Variants in FOXP2 observed in about 807,000 individuals in gnomAD.
FOXP2 encodes forkhead box protein P2.
A neutral mutation model predicts 115.8 loss-of-function variants in FOXP2; 12 were observed. The observed-to-expected ratio is 0.10, with a 90% CI of 0.07 to 0.17. FOXP2 has a LOEUF of 0.17. Ranked by LOEUF, FOXP2 falls within the 10% of genes least tolerant of loss-of-function variation. FOXP2 has a pLI of 1.00. For missense variants in FOXP2, 629 were observed against 843.5 expected (o/e 0.75, Z 3.15); for synonymous variants, 328 against 297.7 (o/e 1.10, Z -1.05).
intron 2 of FOXP2, among the ~76,000 whole-genome samples, chr7:114,485,846 A>G (rs1003188151): frequency 5.3e-5 from 8 of 152,150 alleles, no homozygotes; most frequent in Non-Finnish European, 8.8e-5. Flanking sequence ...CTGATAAATA[A>G]ATTTTCCAAG....
chr7:114,246,884 A>G (rs1159575915), intron 1 of FOXP2, among the ~76,000 whole-genome samples: 1 of 152,126 alleles, frequency 6.6e-6, no homozygotes, highest in East Asian at 1.9e-4. Flanking sequence ...CACTTTCATT[A>G]AGATTCGCCA....
At position 114,454,925 on chromosome 7, in the gene FOXP2, C is replaced by T. The variant is rs1254894110; in HGVS notation, c.168+28246C>T. ...GGGAGATATACCTAATGCTAGATGA[C>T]GAGTTAGTGGGTGCAGCGCACCAGC... On this transcript the variant is annotated intron_variant, in intron 2 of 16. Transcript: ENST00000350908. Among the ~76,000 whole-genome samples, 10 of 136,618 alleles carry T rather than the reference C, an allele frequency of 7.3e-5. No homozygotes were observed. In the South Asian group the frequency reaches 1.5e-3, roughly 21 times the overall value. 89.6% of individuals were successfully genotyped at this position (136,618 alleles called of 152,430 possible). A position where few individuals can be genotyped will look rare whatever the true frequency, so the allele number is the denominator to read the frequency against.
rs35525759 is a variant in FOXP2, at chr7:114,678,547, CTTTTTTTT to C, written c.2004-11216_2004-11209del. 2.9e-4 allele frequency among the ~76,000 whole-genome samples: 14 copies of C among 48,410 alleles called. No homozygotes were observed. In the South Asian group the frequency reaches 6.0e-3, roughly 21 times the overall value. The allele number at this position is 48,410 out of a possible 152,430, so 31.8% of individuals were successfully genotyped here. A position where few individuals can be genotyped will look rare whatever the true frequency, so the allele number is the denominator to read the frequency against. On this transcript the variant is annotated intron_variant, in intron 16 of 16. Coordinates refer to ENST00000350908, the MANE Select transcript of FOXP2 (RefSeq NM_014491.4). ...TACTTCTCTCCGGAAATAAGTGACT[CTTTTTTTT>C]TTTTTTTTTTTTTTTTTTGCTTGAG... is the stretch of plus-strand genomic sequence containing the variant.
At chr7:114,248,180 C>CAGAGAGAGAGAGAGAG (rs71314647) in intron 1 of FOXP2, among the ~76,000 whole-genome samples, 5 of 145,966 alleles carry the variant, frequency 3.4e-5, no homozygotes, top group Non-Finnish European at 7.5e-5. Flanking sequence ...AGCTTAAAAA[C>CAGAGAGAGAGAGAGAG]AGAGAGAGAG....
chr7:114,426,464 G>A (rs747642267), intron 1 of FOXP2, 38 bp from the exon 2 acceptor site: 8 of 1,585,630 alleles, frequency 5.0e-6, no homozygotes, highest in Non-Finnish European at 6.9e-6. Context: ...GTGTGAAGGT[G>A]TAACGTGTGT....
intron 2 of FOXP2, among the ~76,000 whole-genome samples, chr7:114,437,395 C>A (rs894296959): frequency 6.6e-6 from 1 of 152,142 alleles, no homozygotes; most frequent in Admixed American, 6.6e-5. Context: ...CTTAGATGAT[C>A]GTTACCTCTT....
chr7:114,093,643 A>C (rs1479520046), intron 1 of FOXP2, among the ~76,000 whole-genome samples: 1 of 148,356 alleles, frequency 6.7e-6, no homozygotes, highest in Non-Finnish European at 1.5e-5. Context: ...TTTTTTTTTT[A>C]TCCTACACCC....
intron 1 of FOXP2, among the ~76,000 whole-genome samples, chr7:114,136,715 G>T (rs1792049237): frequency 6.6e-6 from 1 of 151,640 alleles, no homozygotes; most frequent in Admixed American, 6.6e-5. Context: ...AAGAAAGAAA[G>T]TAATACTAGA....
chr7:114,243,262 GAA>G (rs61609626), intron 1 of FOXP2, among the ~76,000 whole-genome samples: 83 of 107,062 alleles, frequency 7.8e-4, no homozygotes, highest in South Asian at 1.9e-3. Flanking sequence ...CCATGAGCCA[GAA>G]AAAAAAAAAA....
intron 1 of FOXP2, among the ~76,000 whole-genome samples, chr7:114,278,906 T>C (rs1796258632): frequency 6.6e-6 from 1 of 152,194 alleles, no homozygotes; most frequent in African/African-American, 2.4e-5. Flanking sequence ...TGATTTTTTT[T>C]TTAAAGCACT....
intron 2 of FOXP2, among the ~76,000 whole-genome samples, chr7:114,405,430 A>G (rs117738679): frequency 0.022 from 3,282 of 151,980 alleles, 61 homozygotes; most frequent in South Asian, 0.073. Flanking sequence ...ACGTTCATGT[A>G]TATTGGACCT....
At chr7:114,281,888 C>G (rs958633262) in intron 1 of FOXP2, among the ~76,000 whole-genome samples, 1 of 152,060 alleles carries the variant, frequency 6.6e-6, no homozygotes, top group African/African-American at 2.4e-5. Flanking sequence ...GTGGTAGAGT[C>G]TTGAAGGATC....
chr7:114,280,040 C>A (rs184160471), intron 1 of FOXP2, among the ~76,000 whole-genome samples: 1 of 151,310 alleles, frequency 6.6e-6, no homozygotes, highest in Non-Finnish European at 1.5e-5. Flanking sequence ...TTTTTCTTTG[C>A]TGGTTTTTTC....
chr7:114,547,493 C>T (rs1309911280), intron 3 of FOXP2, among the ~76,000 whole-genome samples: 1 of 152,158 alleles, frequency 6.6e-6, no homozygotes, highest in Non-Finnish European at 1.5e-5. Context: ...CGCTGTGGCT[C>T]ACGCCTGTAA....
chr7:114,598,974 T>C (rs913068651), intron 3 of FOXP2, among the ~76,000 whole-genome samples: 3 of 152,176 alleles, frequency 2.0e-5, no homozygotes, highest in Non-Finnish European at 4.4e-5. Flanking sequence ...TTCATTCTTA[T>C]AGATTGTAGA....
chr7:114,176,298 T>TTCTTTCTCTCTC lies in FOXP2; in HGVS notation c.-102+13213_-102+13214insTTCTCTCTCTCT, dbSNP rs368923204. Among the ~76,000 whole-genome samples, 201 of 76,566 alleles carry TTCTTTCTCTCTC rather than the reference T, an allele frequency of 2.6e-3. 1 individual carries two copies. Among genetic ancestry groups the TTCTTTCTCTCTC allele is most frequent in the African/African-American group, 5.1e-3 (95 of 18,506 alleles). The allele number at this position is 76,566 out of a possible 152,430, so 50.2% of individuals were successfully genotyped here. A position where few individuals can be genotyped will look rare whatever the true frequency, so the allele number is the denominator to read the frequency against. ...TTTCTTTCTTTCTTTCTTTCTTTCTTTCTCTCTCTCTCTCTCTCTCTCTTT... is the reference window on the plus strand; with the variant it reads ...TTTCTTTCTTTCTTTCTTTCTTTCTTTCTTTCTCTCTCTCTCTCTCTCTCTCTCTCTCTCTTT... On this transcript the variant is annotated intron_variant, in intron 1 of 17. Transcript: ENST00000634411.
At chr7:114,250,104 C>T (rs1452007372) in intron 1 of FOXP2, among the ~76,000 whole-genome samples, 1 of 151,984 alleles carries the variant, frequency 6.6e-6, no homozygotes, top group East Asian at 1.9e-4. Context: ...CAGTTTCATC[C>T]ATGTCCCTAC....
intron 2 of FOXP2, among the ~76,000 whole-genome samples, chr7:114,469,703 A>G (rs994648213): frequency 6.6e-6 from 1 of 152,232 alleles, no homozygotes; most frequent in Admixed American, 6.5e-5. Context: ...AATAGCTATA[A>G]CCTTCTTTTA....
At chr7:114,440,287 C>T (rs947366737) in intron 2 of FOXP2, among the ~76,000 whole-genome samples, 2 of 152,148 alleles carry the variant, frequency 1.3e-5, no homozygotes, top group Non-Finnish European at 2.9e-5. Flanking sequence ...TTCATAGTTA[C>T]TTAAATAATT....
Sources: gnomAD v4.1 joint callset for allele counts (sites outside exome capture counted in the v4.1 genomes callset) on GRCh38, gnomAD v4.1.1 for gene constraint, MANE v1.5 for transcripts, NCBI Gene and HGNC (gene_info 2026-07-23, HGNC 2026-07-21) for gene names.